TOM1: variants seen among roughly 807,000 people sequenced by gnomAD.
The protein encoded by TOM1 is target of myb1 membrane trafficking protein.
Under a neutral mutation model 61.3 loss-of-function variants are expected in TOM1, and 38 were observed. The ratio of observed to expected loss-of-function variants is 0.62; its 90% CI spans 0.48 to 0.81. The LOEUF is 0.81. Ranked by LOEUF, TOM1 falls within the 40% of genes least tolerant of loss-of-function variation. TOM1 has a pLI of 0.00. For missense variants in TOM1, 591 were observed against 659.6 expected, an observed-to-expected ratio of 0.90 and a Z score of 1.14; for synonymous variants, 270 against 268.8, an observed-to-expected ratio of 1.00 and a Z score of -0.04.
chr22:35,321,845 C>T (rs769558187), intron 2 of TOM1, 114 bp from the exon 3 acceptor site: 5 of 898,118 alleles, frequency 5.6e-6, no homozygotes, highest in Non-Finnish European at 9.5e-6. Flanking sequence ...ATACACAAAA[C>T]AGGTGGGGCA....
chr22:35,331,447 C>A, intron 8 of TOM1: 1 of 377,386 alleles, frequency 2.6e-6, no homozygotes, highest in Non-Finnish European at 5.3e-6. Context: ...GAGTCACATC[C>A]CCAAGAGAGA....
chr22:35,325,039 C>T (rs890616295), intron 6 of TOM1, among the ~76,000 whole-genome samples: 21 of 152,176 alleles, frequency 1.4e-4, no homozygotes, highest in Admixed American at 1.2e-3. Flanking sequence ...GTGACTTCTA[C>T]AGCCATGACC....
intron 1 of TOM1, among the ~76,000 whole-genome samples, chr22:35,316,086 C>T (rs557899682): frequency 5.6e-4 from 85 of 152,384 alleles, no homozygotes; most frequent in African/African-American, 1.4e-3. Flanking sequence ...AATAGACAGC[C>T]GGCAGCACTG....
chr22:35,333,135 G>T, intron 9 of TOM1, 121 bp downstream of exon 9: 1 of 1,150,918 alleles, frequency 8.7e-7, no homozygotes, highest in Non-Finnish European at 1.3e-6. Context: ...GGCCCATAGA[G>T]AAATCCCCTT....
At chr22:35,344,055 ACCTACACACACC>A (rs1039885497) in intron 12 of TOM1, 7 of 151,350 alleles carry the variant, frequency 4.6e-5, no homozygotes, top group African/African-American at 1.5e-4. Flanking sequence ...ACCCTTACAC[ACCTACACACACC>A]CCTACACACA....
At chr22:35,317,390 T>C (rs1927386730) in intron 1 of TOM1, among the ~76,000 whole-genome samples, 1 of 152,132 alleles carries the variant, frequency 6.6e-6, no homozygotes, top group African/African-American at 2.4e-5. Context: ...GGCTTCACCA[T>C]GTTGGTCAGG....
upstream of TOM1, chr22:35,299,777 G>A (rs571614372): frequency 3.6e-6 from 3 of 840,126 alleles, no homozygotes; most frequent in Admixed American, 5.3e-5. Flanking sequence ...GGACCCTGGC[G>A]TCTCAGGGCG....
Position 35,323,220 on chromosome 22 carries a change from C to G in TOM1, c.366+43C>G, listed in dbSNP as rs775514989. 1 of 1,605,774 alleles carries G rather than the reference C, an allele frequency of 6.2e-7. No homozygotes were observed. The highest frequency in any genetic ancestry group is 8.5e-7 in the Non-Finnish European group (1 of 1,178,494). ...GCAGGGCACGGCCAGGAAGAGCTGT[C>G]AGTGCAGGAGCTTCCTGCCCAGTGG... On this transcript the variant is annotated intron_variant, in intron 4 of 14. Coordinates refer to ENST00000449058, the MANE Select transcript of TOM1 (RefSeq NM_005488.3). This position sits in a 1 kb window ranked among gnomAD's most constrained non-coding sequence, Gnocchi z 4.2.
rs1930590252 is a variant in TOM1 at position 35,347,248 on chromosome 22, C to T, written c.*39C>T. 1.9e-6 allele frequency: 3 copies of T among 1,552,476 alleles called. No homozygotes were observed. The highest frequency in any genetic ancestry group is 1.4e-5 in the African/African-American group (1 of 72,802). On this transcript the variant is annotated 3_prime_UTR_variant, in exon 15 of 15. Coordinates refer to ENST00000449058, the MANE Select transcript of TOM1 (RefSeq NM_005488.3). ...CACCCTGCAGCCCAGGTCCCCACTG[C>T]TCTCACACCCTTAGGCTGGGACCTC...
chr22:35,306,065 A>G (rs1926307452), intron 1 of TOM1, among the ~76,000 whole-genome samples: 1 of 152,246 alleles, frequency 6.6e-6, no homozygotes, highest in South Asian at 2.1e-4. Context: ...ATGACTGTGC[A>G]TAAATAAAAA....
At chr22:35,339,191 C>T (rs1184565733) in intron 12 of TOM1, among the ~76,000 whole-genome samples, 2 of 152,088 alleles carry the variant, frequency 1.3e-5, no homozygotes, top group African/African-American at 2.4e-5. Flanking sequence ...ATTAGCTGGG[C>T]GTGGTGGCAC....
intron 12 of TOM1, among the ~76,000 whole-genome samples, chr22:35,343,141 C>T (rs541080744): frequency 7.9e-4 from 112 of 141,092 alleles, no homozygotes; most frequent in Admixed American, 2.0e-3. Flanking sequence ...CACACATCTA[C>T]ACCCACCACA....
chr22:35,322,658 C>A, intron 3 of TOM1: 1 of 220,570 alleles, frequency 4.5e-6, no homozygotes, highest in Non-Finnish European at 8.8e-6. Context: ...TGCCTTTTCC[C>A]TGGGCCACAG....
At chr22:35,317,817 G>A (rs1352832265) in intron 1 of TOM1, 60 bp from the exon 2 acceptor site, 16 of 1,329,046 alleles carry the variant, frequency 1.2e-5, no homozygotes, top group East Asian at 2.3e-5. Context: ...TCCCACCCAC[G>A]GTTTGAGTTT....
At chr22:35,304,083 T>C (rs547193592) in intron 1 of TOM1, among the ~76,000 whole-genome samples, 2 of 152,322 alleles carry the variant, frequency 1.3e-5, no homozygotes, top group South Asian at 4.1e-4. Flanking sequence ...TTTTGCTATT[T>C]TTTTCCCATT....
At chr22:35,346,847 G>T in intron 13 of TOM1, 83 bp from the exon 14 acceptor site, 1 of 1,338,086 alleles carries the variant, frequency 7.5e-7, no homozygotes, top group East Asian at 2.3e-5. Context: ...GTTCAGCGGG[G>T]CCCGAGCTGC....
rs530179920 is a variant in TOM1, at chr22:35,323,252, G to C, written c.366+75G>C. The C allele has an allele frequency of 2.6e-6, 4 of 1,558,994 alleles. No homozygotes were observed. Among genetic ancestry groups the C allele is most frequent in the Non-Finnish European group, 2.6e-6 (3 of 1,154,366 alleles). ...GGAGCTTCCTGCCCAGTGGAGAGTC[G>C]AGGCCATCGTGTTTGTCCCAGGCTC... On this transcript the variant is annotated intron_variant, in intron 4 of 14. Coordinates refer to ENST00000449058, the MANE Select transcript of TOM1 (RefSeq NM_005488.3). The surrounding 1 kb of genome is among the most constrained non-coding windows in gnomAD (Gnocchi z 4.2).
chr22:35,319,673 G>A (rs1927604244), intron 2 of TOM1, among the ~76,000 whole-genome samples: 1 of 152,174 alleles, frequency 6.6e-6, no homozygotes, highest in South Asian at 2.1e-4. Context: ...TTGTGTCTAG[G>A]CCACCCTAGA....
intron 11 of TOM1, 60 bp from the exon 12 acceptor site, chr22:35,338,653 C>T (rs1297821936): frequency 1.1e-5 from 16 of 1,414,772 alleles, no homozygotes; most frequent in East Asian, 2.7e-5. Flanking sequence ...CAGCCCGCTC[C>T]GTTCTTGCAT....
Sources: gnomAD v4.1 joint callset for allele counts (sites outside exome capture counted in the v4.1 genomes callset) on GRCh38, gnomAD v4.1.1 for gene constraint, Gnocchi (gnomAD v3.1) non-coding constraint, MANE v1.5 for transcripts, NCBI Gene and HGNC (gene_info 2026-07-23, HGNC 2026-07-21) for gene names.